Variants in CAMK2A observed in about 807,000 individuals in gnomAD.
CAMK2A encodes the protein calcium/calmodulin-dependent protein kinase type II subunit alpha.
A neutral mutation model predicts 79.2 loss-of-function variants in CAMK2A; 7 were observed. The observed-to-expected ratio is 0.09, with a 90% CI of 0.05 to 0.17. The LOEUF is 0.17. CAMK2A is among the 10% of genes least tolerant of loss of function. CAMK2A has a pLI of 1.00. For missense variants in CAMK2A, 214 were observed against 646.4 expected, an observed-to-expected ratio of 0.33 and a Z score of 7.25; for synonymous variants, 242 against 251.7, an observed-to-expected ratio of 0.96 and a Z score of 0.36.
Position 150,256,526 on chromosome 5 carries a change from G to A in CAMK2A, c.411+47C>T, listed in dbSNP as rs774507998. On this transcript the variant is annotated intron_variant, in intron 6 of 18. Coordinates refer to ENST00000671881, the MANE Select transcript of CAMK2A (RefSeq NM_015981.4). The surrounding 1 kb of genome is among the most constrained non-coding windows in gnomAD (Gnocchi z 4.6). ...TCTGCAGGATTAGGGACGTGCAGAGGAGAGAGGGGCTCCCGGGGTGAGCCA... is the reference window on the plus strand; with the variant it reads ...TCTGCAGGATTAGGGACGTGCAGAGAAGAGAGGGGCTCCCGGGGTGAGCCA... The A allele has an allele frequency of 6.7e-6, 9 of 1,334,980 alleles. No homozygotes were observed. Among genetic ancestry groups the A allele is most frequent in the Non-Finnish European group, 9.7e-6 (9 of 928,468 alleles). 82.7% of individuals were successfully genotyped at this position (1,334,980 alleles called of 1,614,324 possible). A position where few individuals can be genotyped will look rare whatever the true frequency, so the allele number is the denominator to read the frequency against.
chr5:150,233,871 G>A (rs1375094138), intron 15 of CAMK2A, among the ~76,000 whole-genome samples: 2 of 152,112 alleles, frequency 1.3e-5, no homozygotes, highest in African/African-American at 4.8e-5. Flanking sequence ...GGAGTGCAGT[G>A]GTGTGATCAC....
rs1756858796 is a variant in CAMK2A at position 150,274,083 on chromosome 5, CAG to C, written c.63-926_63-925del. Among the ~76,000 whole-genome samples, 3 of 152,322 alleles carry C rather than the reference CAG, an allele frequency of 2.0e-5. No individual in the cohort carries two copies. In the South Asian group the frequency reaches 6.2e-4, roughly 32 times the overall value. Reference sequence around the variant, plus strand: ...CCTGTTTCCTTTGCCCTTGTCAACACAGTGTATTATCAAACTTTTTTATATCT... The same window carrying C: ...CCTGTTTCCTTTGCCCTTGTCAACACTGTATTATCAAACTTTTTTATATCT... On this transcript the variant is annotated intron_variant, in intron 1 of 18. Coordinates refer to ENST00000671881, the MANE Select transcript of CAMK2A (RefSeq NM_015981.4).
chr5:150,224,068 T>C (rs180832901), intron 17 of CAMK2A, among the ~76,000 whole-genome samples: 1 of 152,254 alleles, frequency 6.6e-6, no homozygotes, highest in Admixed American at 6.5e-5. Context: ...TTTCCAGCGT[T>C]AGGGAGAGAT....
chr5:150,266,585 G>A (rs572100016), intron 2 of CAMK2A, among the ~76,000 whole-genome samples: 48 of 152,182 alleles, frequency 3.2e-4, no homozygotes, highest in African/African-American at 1.0e-3. Context: ...CAGAAGAGGA[G>A]ACAGAGCTTC....
At chr5:150,288,758 A>T (rs929928516) in intron 1 of CAMK2A, among the ~76,000 whole-genome samples, 1 of 152,082 alleles carries the variant, frequency 6.6e-6, no homozygotes, top group Non-Finnish European at 1.5e-5. Context: ...TCCCTCCCTG[A>T]CACTCCACAC....
chr5:150,238,673 G>C (rs17111081), intron 15 of CAMK2A, 27 bp downstream of exon 15: 1 of 1,588,882 alleles, frequency 6.3e-7, no homozygotes, highest in East Asian at 2.3e-5. Context: ...AGTCTAAGGG[G>C]TCCCGACACT....
At chr5:150,234,950 C>T (rs965478317) in intron 15 of CAMK2A, among the ~76,000 whole-genome samples, 21 of 152,216 alleles carry the variant, frequency 1.4e-4, no homozygotes, top group African/African-American at 5.1e-4. Context: ...TATGCCTAGT[C>T]TTCTCTTCTC....
chr5:150,265,801 G>T (rs1409240499), intron 2 of CAMK2A, among the ~76,000 whole-genome samples: 1 of 152,046 alleles, frequency 6.6e-6, no homozygotes, highest in Non-Finnish European at 1.5e-5. Flanking sequence ...AATTAGCCAG[G>T]TGTGGTGGCA....
chr5:150,259,841 C>T lies in CAMK2A; in HGVS notation c.218-2224G>A, dbSNP rs574813315. On this transcript the variant is annotated intron_variant, in intron 3 of 18. Coordinates refer to ENST00000671881, the MANE Select transcript of CAMK2A (RefSeq NM_015981.4). ...AAAATTAGCTGGGTGTGGTGGCAGA[C>T]GCCTGGAGTCCCAGCTGCTCGGGAG... is the stretch of plus-strand genomic sequence containing the variant. 7.9e-5 allele frequency among the ~76,000 whole-genome samples: 12 copies of T among 152,080 alleles called. No individual in the cohort carries two copies. The South Asian group carries it at 8.3e-4, about 11-fold the overall frequency.
chr5:150,263,005 G>T (rs887038221), intron 3 of CAMK2A, among the ~76,000 whole-genome samples: 6 of 152,202 alleles, frequency 3.9e-5, no homozygotes, highest in Non-Finnish European at 7.3e-5. Context: ...CTTCAGGCAA[G>T]GTTGTTCTGA....
At chr5:150,272,247 A>G (rs572982543) in intron 2 of CAMK2A, among the ~76,000 whole-genome samples, 73 of 152,140 alleles carry the variant, frequency 4.8e-4, no homozygotes, top group Non-Finnish European at 8.7e-4. Flanking sequence ...AGGGAAAGCC[A>G]TAAAGGAAAT....
At position 150,255,819 on chromosome 5, in the gene CAMK2A, C is replaced by T. The variant is rs918411642; in HGVS notation, c.411+754G>A. Reference sequence around the variant, plus strand: ...AGGGGTTAGAAGGCCAGAATTCCCCCGCCCTAGCTAAGGACAATTGAACTG... The same window carrying T: ...AGGGGTTAGAAGGCCAGAATTCCCCTGCCCTAGCTAAGGACAATTGAACTG... On this transcript the variant is annotated intron_variant, in intron 6 of 18. Coordinates refer to ENST00000671881, the MANE Select transcript of CAMK2A (RefSeq NM_015981.4). Among the ~76,000 whole-genome samples, 9 of 152,330 alleles carry T rather than the reference C, an allele frequency of 5.9e-5. No homozygotes were observed. In the South Asian group the frequency reaches 1.5e-3, roughly 25 times the overall value.
At chr5:150,246,824 G>A (rs1755588560) in intron 12 of CAMK2A, among the ~76,000 whole-genome samples, 1 of 152,232 alleles carries the variant, frequency 6.6e-6, no homozygotes, top group Non-Finnish European at 1.5e-5. Context: ...ACTCAATGCA[G>A]CCAGCTGCCC....
Position 150,241,658 on chromosome 5 carries a change from C to T in CAMK2A, c.985-1922G>A, listed in dbSNP as rs1447249822. ...CCTCTCCTCCTTCTTTTCTTCCTCT[C>T]TTCTCCTCTCCCTTCCTCTTCCCTC... On this transcript the variant is annotated intron_variant, in intron 13 of 18. Coordinates refer to ENST00000671881, the MANE Select transcript of CAMK2A (RefSeq NM_015981.4). Among the ~76,000 whole-genome samples the T allele has an allele frequency of 3.4e-5, 5 of 149,078 alleles. No homozygotes were observed. In the South Asian group the frequency reaches 8.6e-4, roughly 26 times the overall value.
rs545300300 is a variant in CAMK2A, at chr5:150,237,890, A to G, written c.1066+810T>C. On this transcript the variant is annotated intron_variant, in intron 15 of 18. Coordinates refer to ENST00000671881, the MANE Select transcript of CAMK2A (RefSeq NM_015981.4). The stretch of plus-strand genomic sequence containing the variant: ...TGATGCTTTGCTTCCCCCACCTGAG[A>G]GCTTTTGAGGACTGCTGGCCACTAG... Among the ~76,000 whole-genome samples the G allele has an allele frequency of 2.6e-5, 4 of 152,126 alleles. No homozygotes were observed. The East Asian group carries it at 7.7e-4, about 29-fold the overall frequency.
intron 3 of CAMK2A, among the ~76,000 whole-genome samples, chr5:150,259,803 T>C (rs959633590): frequency 6.6e-6 from 1 of 151,964 alleles, no homozygotes; most frequent in African/African-American, 2.4e-5. Context: ...ACACCGTCTC[T>C]ATTAAAAATA....
intron 17 of CAMK2A, among the ~76,000 whole-genome samples, chr5:150,227,635 C>T (rs1754662327): frequency 6.6e-6 from 1 of 152,178 alleles, no homozygotes; most frequent in Non-Finnish European, 1.5e-5. Context: ...GCCAAGGTCT[C>T]TCCTGCAAAG....
chr5:150,231,723 T>G (rs1200441361), intron 15 of CAMK2A, among the ~76,000 whole-genome samples: 1 of 152,102 alleles, frequency 6.6e-6, no homozygotes, highest in Non-Finnish European at 1.5e-5. Context: ...AATCTACGCC[T>G]GATGTAAATC....
chr5:150,231,577 C>T lies in CAMK2A; in HGVS notation c.1067-197G>A, dbSNP rs757765008. Among the ~76,000 whole-genome samples the T allele has an allele frequency of 1.3e-3, 199 of 149,934 alleles. 1 individual carries two copies. The highest frequency in any genetic ancestry group is 4.8e-3 in the African/African-American group (196 of 40,908). On this transcript the variant is annotated intron_variant, in intron 15 of 18. Transcript: ENST00000671881. ...TGCTGCTGGGGGCTAGGCATCATCA[C>T]CCCCATTTCACAGAAGAAACTGAGG...
Sources: gnomAD v4.1 joint callset for allele counts (sites outside exome capture counted in the v4.1 genomes callset) on GRCh38, gnomAD v4.1.1 for gene constraint, Gnocchi (gnomAD v3.1) non-coding constraint, MANE v1.5 for transcripts, NCBI Gene and HGNC (gene_info 2026-07-23, HGNC 2026-07-21) for gene names.